SASH1: variants seen among roughly 807,000 people sequenced by gnomAD.
SASH1 encodes SAM and SH3 domain containing 1.
Under a neutral mutation model 125.2 loss-of-function variants are expected in SASH1, and 44 were observed. That is an observed-to-expected ratio of 0.35 (90% CI 0.28 to 0.45). SASH1 has a LOEUF of 0.45. SASH1 is among the 20% of genes least tolerant of loss of function. The probability of loss-of-function intolerance (pLI) is 1.00; values close to 1 mark genes in which losing one functional copy is unlikely to be tolerated. For missense variants in SASH1, 1,426 were observed against 1,614.5 expected, an observed-to-expected ratio of 0.88 and a Z score of 2.00; for synonymous variants, 639 against 649.1, an observed-to-expected ratio of 0.98 and a Z score of 0.24.
intron 4 of SASH1, among the ~76,000 whole-genome samples, chr6:148,448,972 A>C (rs7763869): frequency 0.21 from 31,458 of 151,694 alleles, 3,368 homozygotes; most frequent in East Asian, 0.27. Flanking sequence ...TCAGTTGCCA[A>C]ATCCTGTTTT....
At chr6:148,484,110 A>G (rs1778739365) in intron 7 of SASH1, among the ~76,000 whole-genome samples, 1 of 152,230 alleles carries the variant, frequency 6.6e-6, no homozygotes, top group Non-Finnish European at 1.5e-5. Flanking sequence ...GAATTTAAAA[A>G]GCAGCTGGAG....
At chr6:148,376,335 C>G in intron 1 of SASH1, among the ~76,000 whole-genome samples, 1 of 152,126 alleles carries the variant, frequency 6.6e-6, no homozygotes, top group Non-Finnish European at 1.5e-5. Context: ...TCCCAAAGTG[C>G]TGGGATTAGA....
intron 4 of SASH1, among the ~76,000 whole-genome samples, chr6:148,448,597 C>CCCA (rs1776922751): frequency 6.6e-6 from 1 of 152,128 alleles, no homozygotes; most frequent in Admixed American, 6.5e-5. Context: ...TGCAGCTCTG[C>CCCA]CCACCCCTTC....
At chr6:148,421,898 TTAAAG>T (rs1362142746) in intron 2 of SASH1, among the ~76,000 whole-genome samples, 11 of 152,240 alleles carry the variant, frequency 7.2e-5, no homozygotes, top group Admixed American at 5.2e-4. Flanking sequence ...ATTTTTCTAT[TTAAAG>T]TAATGTCTTT....
chr6:148,233,742 C>CAAAAAAAAAAAAAAAAAAAA, the SASH1 span, among the ~76,000 whole-genome samples: 203 of 60,502 alleles, frequency 3.4e-3, 22 homozygotes, highest in South Asian at 6.4e-3. Context: ...TTCCTCTCTA[C>CAAAAAAAAAAAAAAAAAAAA]AAAAAAAAAA....
In SASH1 at chr6:148,358,251, C is replaced by G. The variant is rs139838348; in HGVS notation, c.156+15028C>G. Among the ~76,000 whole-genome samples, 1,518 of 152,104 alleles carry G rather than the reference C, an allele frequency of 1.0e-2. 8 individuals carry two copies. Among genetic ancestry groups the G allele is most frequent in the Admixed American group, 0.021 (313 of 15,246 alleles). On this transcript the variant is annotated intron_variant, in intron 1 of 19. Transcript: ENST00000367467. ...GATGTATAAAGAAGATAATCCAGGGCGAGAGTTGCTCAAGGACTGTAGGTC... is the reference window on the plus strand; with the variant it reads ...GATGTATAAAGAAGATAATCCAGGGGGAGAGTTGCTCAAGGACTGTAGGTC...
At chr6:148,523,296 A>G (rs1459973690) in intron 10 of SASH1, among the ~76,000 whole-genome samples, 1 of 152,210 alleles carries the variant, frequency 6.6e-6, no homozygotes, top group African/African-American at 2.4e-5. Flanking sequence ...GAATAAAATC[A>G]CTGCTTTTGC....
At chr6:148,486,791 G>A (rs1411415656) in intron 7 of SASH1, among the ~76,000 whole-genome samples, 1 of 148,100 alleles carries the variant, frequency 6.8e-6, no homozygotes, top group Non-Finnish European at 1.5e-5. Context: ...TGGGCATGGT[G>A]GTGCATGCCT....
the SASH1 span, among the ~76,000 whole-genome samples, chr6:148,258,749 C>T: frequency 1.3e-5 from 2 of 152,212 alleles, no homozygotes; most frequent in African/African-American, 4.8e-5. Context: ...TGCCTACTGA[C>T]TCACGGCTTC....
chr6:148,387,584 CTTTCTTTCTT>C (rs1783455262), intron 1 of SASH1, among the ~76,000 whole-genome samples: 1 of 6,610 alleles, frequency 1.5e-4, no homozygotes, highest in Non-Finnish European at 2.7e-4. Context: ...TTCTTTCTTT[CTTTCTTTCTT>C]TCTTTCTTTC....
Position 148,547,317 on chromosome 6 carries a change from G to T in SASH1, c.3481-978G>T, listed in dbSNP as rs553244081. On this transcript the variant is annotated intron_variant, in intron 19 of 19. Coordinates refer to ENST00000367467, the MANE Select transcript of SASH1 (RefSeq NM_015278.5). Reference sequence around the variant, plus strand: ...CGGGGCTGGTGGTGTAGGCAGCGTGGATTTGTTAGACAAAGGGATGATTGT... The same window carrying T: ...CGGGGCTGGTGGTGTAGGCAGCGTGTATTTGTTAGACAAAGGGATGATTGT... Among the ~76,000 whole-genome samples, 4 of 152,310 alleles carry T rather than the reference G, an allele frequency of 2.6e-5. No homozygotes were observed. In the East Asian group the frequency reaches 7.7e-4, roughly 29 times the overall value.
the SASH1 span, among the ~76,000 whole-genome samples, chr6:148,242,512 G>A: frequency 5.4e-4 from 82 of 152,200 alleles, 1 homozygote; most frequent in Admixed American, 1.8e-3. Context: ...CTTTCTCAAG[G>A]CCAAGTAAAG....
At chr6:148,438,265 C>T (rs377441669) in intron 2 of SASH1, among the ~76,000 whole-genome samples, 2 of 152,186 alleles carry the variant, frequency 1.3e-5, no homozygotes, top group East Asian at 3.9e-4. Flanking sequence ...TTGCTTACCT[C>T]CTGCCATTTA....
At chr6:148,509,558 G>T (rs1057013922) in intron 8 of SASH1, among the ~76,000 whole-genome samples, 3 of 152,118 alleles carry the variant, frequency 2.0e-5, no homozygotes, top group Non-Finnish European at 4.4e-5. Flanking sequence ...CCTCCAAAGG[G>T]TCTAGTTGCT....
Position 148,474,272 on chromosome 6 carries a change from A to T in SASH1, c.627+50A>T, listed in dbSNP as rs1778245615. On this transcript the variant is annotated intron_variant, in intron 7 of 19. Transcript: ENST00000367467. ...TATTTGTGAGGACTTGACTTTCTGA[A>T]GTGTAAAAATGTTTGCGGCCAACAA... 3 of 1,212,922 alleles carry T rather than the reference A, an allele frequency of 2.5e-6. No individual in the cohort carries two copies. In the South Asian group the frequency reaches 3.9e-5, roughly 16 times the overall value. The allele number at this position is 1,212,922 out of a possible 1,614,324, so 75.1% of individuals were successfully genotyped here.
intron 1 of SASH1, among the ~76,000 whole-genome samples, chr6:148,358,727 G>GGTTTTTTTTTTT (rs1239319632): frequency 2.0e-5 from 2 of 98,788 alleles, no homozygotes. Context: ...CTAATGCCAT[G>GGTTTTTTTTTTT]TTTTTGTTTT....
chr6:148,390,226 G>A lies in SASH1; in HGVS notation c.249G>A (p.Glu83=). 2 of 1,612,792 alleles carry A rather than the reference G, an allele frequency of 1.2e-6. No individual in the cohort carries two copies. The highest frequency in any genetic ancestry group is 1.7e-6 in the Non-Finnish European group (2 of 1,179,678). ...CCGACGTGTGCGAGAGGATGGAGGA[G>A]CTGCGGAAACGGCGGGTTTCCCAGG... ...CFSDVCERME[E]LRKRRVSQDL... The change falls in exon 2 of 20, where the codon GAG becomes GAA. Residue 83 remains glutamate, a synonymous_variant. Coordinates refer to ENST00000367467, the MANE Select transcript of SASH1 (RefSeq NM_015278.5).
At chr6:148,408,779 T>G (rs997873728) in intron 2 of SASH1, among the ~76,000 whole-genome samples, 3 of 152,244 alleles carry the variant, frequency 2.0e-5, no homozygotes, top group Admixed American at 6.5e-5. Context: ...TATGTTGTCT[T>G]GTAAGAGTTT....
At chr6:148,441,951 G>A (rs1316492667) in intron 4 of SASH1, among the ~76,000 whole-genome samples, 1 of 152,136 alleles carries the variant, frequency 6.6e-6, no homozygotes, top group Non-Finnish European at 1.5e-5. Flanking sequence ...TTGTCATTTT[G>A]CCTCTGTAAT....
Sources: gnomAD v4.1 joint callset for allele counts (sites outside exome capture counted in the v4.1 genomes callset) on GRCh38, gnomAD v4.1.1 for gene constraint, MANE v1.5 for transcripts, NCBI Gene and HGNC (gene_info 2026-07-23, HGNC 2026-07-21) for gene names.